TAX1BP3: variants seen among roughly 807,000 people sequenced by gnomAD.
The protein encoded by TAX1BP3 is tax1-binding protein 3.
TAX1BP3 carries 13 observed loss-of-function variants against 15.3 expected under a neutral mutation model. That is an observed-to-expected ratio of 0.85 (90% CI 0.55 to 1.35). The LOEUF is 1.35. TAX1BP3 is among the 40% of genes most tolerant of loss of function. The pLI, the probability that TAX1BP3 is intolerant of heterozygous loss-of-function variation, is 0.00. For synonymous variants in TAX1BP3, 70 were observed against 66.0 expected, an observed-to-expected ratio of 1.06 and a Z score of -0.30; for missense variants, 147 against 169.6, an observed-to-expected ratio of 0.87 and a Z score of 0.74.
intron 1 of TAX1BP3, chr17:3,665,619 C>G: frequency 8.3e-7 from 1 of 1,207,140 alleles, no homozygotes; most frequent in South Asian, 1.2e-5. Flanking sequence ...CCAGCCTGCT[C>G]CACCCAGGGA....
rs1381205944 is a variant in TAX1BP3 at position 3,668,468 on chromosome 17, G to A, written c.39+20C>T. 12 of 1,607,456 alleles carry A rather than the reference G, an allele frequency of 7.5e-6. No individual in the cohort carries two copies. The highest frequency in any genetic ancestry group is 1.0e-5 in the Non-Finnish European group (12 of 1,177,722). ...TGGGGTCAGGCCAAGACGAGGAGGA[G>A]CCCGCGCAAGCGCACTCACCACCAC... On this transcript the variant is annotated intron_variant, in intron 1 of 3. Transcript: ENST00000225525. This position sits in a 1 kb window ranked among gnomAD's most constrained non-coding sequence, Gnocchi z 4.1.
At position 3,664,279 on chromosome 17, in the gene TAX1BP3, AG is replaced by A. The variant is rs752691577; in HGVS notation, c.160-8del. On this transcript the variant is annotated splice_polypyrimidine_tract_variant and splice_region_variant and intron_variant, in intron 2 of 3. Coordinates refer to ENST00000225525, the MANE Select transcript of TAX1BP3 (RefSeq NM_014604.4). ...CCCGTGTGACATAAATACCCTGGAA[AG>A]GGGCAGCCCAAGTCAAGCCCTGTGG... 4 of 1,613,950 alleles carry A rather than the reference AG, an allele frequency of 2.5e-6. No individual in the cohort carries two copies. The highest frequency in any genetic ancestry group is 2.5e-6 in the Non-Finnish European group (3 of 1,180,028).
chr17:3,665,811 G>A (rs1191980135), intron 1 of TAX1BP3: 1 of 635,662 alleles, frequency 1.6e-6, no homozygotes, highest in Non-Finnish European at 2.8e-6. Context: ...AGCGCACAGG[G>A]TGCCGTGGAT....
chr17:3,667,841 G>C (rs531643656), intron 1 of TAX1BP3, among the ~76,000 whole-genome samples: 1 of 152,360 alleles, frequency 6.6e-6, no homozygotes, highest in South Asian at 2.1e-4. Flanking sequence ...AGGGGCCTAG[G>C]CTAGCCCCCG....
chr17:3,663,988 T>C, intron 3 of TAX1BP3, 103 bp from the exon 4 acceptor site: 7 of 1,501,550 alleles, frequency 4.7e-6, no homozygotes, highest in Middle Eastern at 2.4e-4. Flanking sequence ...GCCCCCAGCC[T>C]AACATCCCAG....
intron 1 of TAX1BP3, among the ~76,000 whole-genome samples, chr17:3,667,381 G>A (rs2076353187): frequency 6.6e-6 from 1 of 151,702 alleles, no homozygotes; most frequent in Non-Finnish European, 1.5e-5. Context: ...GTGCAGGGAG[G>A]GTGAAGCTTA....
rs759068921 is a variant in TAX1BP3 at position 3,663,820 on chromosome 17, C to T, written c.303G>A (p.Ser101=). The T allele has an allele frequency of 1.4e-5, 23 of 1,609,338 alleles. No individual in the cohort carries two copies. The highest frequency in any genetic ancestry group is 1.8e-4 in the Middle Eastern group (1 of 5,598). Reference sequence around the variant, plus strand: ...TCACCAGCAGACGCACCACCTCCTCCGAGCGCTTGGTGAGCCGCTTGCGGG... The same window carrying T: ...TCACCAGCAGACGCACCACCTCCTCTGAGCGCTTGGTGAGCCGCTTGCGGG... ...DQARKRLTKR[S]EEVVRLLVTR... The change falls in exon 4 of 4, where the codon TCG becomes TCA. Residue 101 remains serine (S), a synonymous_variant. Coordinates refer to ENST00000225525, the MANE Select transcript of TAX1BP3 (RefSeq NM_014604.4).
At chr17:3,664,439 G>T in intron 2 of TAX1BP3, 167 bp from the exon 3 acceptor site, 3 of 970,474 alleles carry the variant, frequency 3.1e-6, no homozygotes, top group Non-Finnish European at 4.7e-6. Flanking sequence ...GGGCAGAGTT[G>T]CTGCACCACC....
intron 1 of TAX1BP3, chr17:3,665,721 A>AC (rs2142991789): frequency 1.4e-6 from 1 of 703,854 alleles, no homozygotes; most frequent in African/African-American, 1.8e-5. Context: ...AAACAAAAAA[A>AC]AATAAAGGAT....
chr17:3,664,414 G>T, intron 2 of TAX1BP3, 142 bp from the exon 3 acceptor site: 1 of 1,090,978 alleles, frequency 9.2e-7, no homozygotes, highest in Non-Finnish European at 1.4e-6. Context: ...AGTGAGGACT[G>T]TTCTGAGAGA....
intron 1 of TAX1BP3, among the ~76,000 whole-genome samples, chr17:3,667,034 CAGGT>C (rs1035865433): frequency 2.0e-5 from 3 of 152,110 alleles, no homozygotes; most frequent in Non-Finnish European, 4.4e-5. Context: ...CTCTCTGGGG[CAGGT>C]AGGGATCTAA....
intron 1 of TAX1BP3, chr17:3,665,375 G>A: frequency 2.2e-6 from 3 of 1,373,470 alleles, no homozygotes; most frequent in South Asian, 1.2e-5. Context: ...AAAAAGGAAT[G>A]CCCCACAAGG....
At chr17:3,667,471 G>A (rs1178172544) in intron 1 of TAX1BP3, among the ~76,000 whole-genome samples, 2 of 151,858 alleles carry the variant, frequency 1.3e-5, no homozygotes, top group South Asian at 2.1e-4. Context: ...CTCACTTGTC[G>A]CCTTTATCAG....
At chr17:3,664,596 C>G (rs2076318674) in intron 2 of TAX1BP3, 83 bp downstream of exon 2, 1 of 1,547,856 alleles carries the variant, frequency 6.5e-7, no homozygotes, top group Non-Finnish European at 8.9e-7. Context: ...TCTGTTCCTT[C>G]CATGCAGGCC....
intron 1 of TAX1BP3, among the ~76,000 whole-genome samples, chr17:3,666,522 T>G (rs552483538): frequency 6.6e-6 from 1 of 152,164 alleles, no homozygotes; most frequent in African/African-American, 2.4e-5. Context: ...CAGGTTAGGT[T>G]GGAGTGCCAG....
At chr17:3,665,740 TCCAAAAAAA>T (rs1316164802) in intron 1 of TAX1BP3, 189 of 115,872 alleles carry the variant, frequency 1.6e-3, no homozygotes, top group South Asian at 3.1e-3. Flanking sequence ...ATCTCTGGGC[TCCAAAAAAA>T]AAAAAAAAAA....
chr17:3,667,087 T>C (rs2142992151), intron 1 of TAX1BP3, among the ~76,000 whole-genome samples: 1 of 152,196 alleles, frequency 6.6e-6, no homozygotes, highest in Admixed American at 6.5e-5. Flanking sequence ...CTCACGCCTG[T>C]AATCCCAGCA....
chr17:3,665,854 G>A (rs1399984190), intron 1 of TAX1BP3, among the ~76,000 whole-genome samples: 1 of 152,120 alleles, frequency 6.6e-6, no homozygotes, highest in African/African-American at 2.4e-5. Flanking sequence ...TCCAGTGCAG[G>A]ACACAGAACT....
At chr17:3,665,252 C>G (rs777255923) in intron 1 of TAX1BP3, 38 of 1,382,396 alleles carry the variant, frequency 2.7e-5, no homozygotes, top group Middle Eastern at 1.8e-4. Context: ...GGAGAGGCAC[C>G]GGATATATGT....
Sources: gnomAD v4.1 joint callset for allele counts (sites outside exome capture counted in the v4.1 genomes callset) on GRCh38, gnomAD v4.1.1 for gene constraint, Gnocchi (gnomAD v3.1) non-coding constraint, MANE v1.5 for transcripts, NCBI Gene and HGNC (gene_info 2026-07-23, HGNC 2026-07-21) for gene names.